VEPH1: variants seen among roughly 807,000 people sequenced by gnomAD.
VEPH1 encodes the protein ventricular zone expressed PH domain containing 1, also known as ventricular zone-expressed PH domain-containing protein homolog 1.
In VEPH1, 80 loss-of-function variants were observed where a neutral mutation model predicts 85.2. The ratio of observed to expected loss-of-function variants is 0.94; its 90% CI spans 0.78 to 1.13. The LOEUF (loss-of-function observed/expected upper bound fraction) is 1.13, where lower values mean the gene tolerates loss of function less well. Among genes scored for constraint, VEPH1 ranks in the 50% most tolerant of loss-of-function variants. The pLI is 0.00. For synonymous variants in VEPH1, 297 were observed against 348.0 expected, an observed-to-expected ratio of 0.85 and a Z score of 1.63; for missense variants, 955 against 980.5, an observed-to-expected ratio of 0.97 and a Z score of 0.35.
intron 3 of VEPH1, among the ~76,000 whole-genome samples, chr3:157,463,924 C>G (rs1736122396): frequency 6.6e-6 from 1 of 152,154 alleles, no homozygotes; most frequent in African/African-American, 2.4e-5. Context: ...AAGAACACTC[C>G]TGCCCTATAA....
intron 4 of VEPH1, among the ~76,000 whole-genome samples, chr3:157,441,218 G>A (rs151293623): frequency 6.6e-6 from 1 of 152,250 alleles, no homozygotes; most frequent in East Asian, 1.9e-4. Context: ...TAAGGGCGTG[G>A]CCTCTGTGAC....
rs1726299491 is a variant in VEPH1 at position 157,363,609 on chromosome 3, T to A, written c.1490A>T (p.Asp497Val). Reference sequence around the variant, plus strand: ...CTCCCCCAGCTGTGATCTCTCAGTGTCTGTCTTAAACGGCAGCTTGTCATT... The same window carrying A: ...CTCCCCCAGCTGTGATCTCTCAGTGACTGTCTTAAACGGCAGCTTGTCATT... Reference protein sequence around the residue: ...QGNDKLPFKTDTERSQLGESS... With the variant: ...QGNDKLPFKTVTERSQLGESS... The change falls in exon 9 of 14, where the codon GAC (aspartate) becomes GTC (valine). Residue 497 changes from aspartate to valine, a missense_variant. Asp to Val is a radical substitution (Grantham distance 152). Transcript: ENST00000362010. 1 of 1,614,182 alleles carries A rather than the reference T, an allele frequency of 6.2e-7. No homozygotes were observed. Among genetic ancestry groups the A allele is most frequent in the Non-Finnish European group, 8.5e-7 (1 of 1,180,012 alleles).
At chr3:157,387,391 T>C (rs767635490) in intron 6 of VEPH1, among the ~76,000 whole-genome samples, 2 of 152,192 alleles carry the variant, frequency 1.3e-5, no homozygotes, top group African/African-American at 2.4e-5. Flanking sequence ...ATCTTCACAA[T>C]GACCTTGCAA....
chr3:157,449,430 T>C (rs905118534), intron 4 of VEPH1, among the ~76,000 whole-genome samples: 2 of 152,228 alleles, frequency 1.3e-5, no homozygotes, highest in Non-Finnish European at 2.9e-5. Context: ...TTGAATAGTC[T>C]GTCCTTCTCT....
chr3:157,470,784 C>T (rs1057128168), intron 2 of VEPH1, among the ~76,000 whole-genome samples: 8 of 152,226 alleles, frequency 5.3e-5, no homozygotes, highest in South Asian at 4.2e-4. Flanking sequence ...AGTACACAGG[C>T]GCTTAACTAT....
At chr3:157,267,102 C>CTTTTTTTTTTTTTTTTTTT (rs10537483) in intron 12 of VEPH1, among the ~76,000 whole-genome samples, 2 of 124,686 alleles carry the variant, frequency 1.6e-5, no homozygotes, top group Non-Finnish European at 3.3e-5. Context: ...TCTTTTTTTT[C>CTTTTTTTTTTTTTTTTTTT]TTTTTTTTTT....
intron 12 of VEPH1, 42 bp downstream of exon 12, chr3:157,286,515 T>TG (rs1716790380): frequency 2.0e-6 from 3 of 1,518,622 alleles, no homozygotes; most frequent in South Asian, 1.1e-5. Flanking sequence ...CCCTGTAATT[T>TG]GGGGCACAAA....
At chr3:157,395,273 C>T (rs778922743) in intron 6 of VEPH1, among the ~76,000 whole-genome samples, 7 of 152,174 alleles carry the variant, frequency 4.6e-5, no homozygotes, top group African/African-American at 7.2e-5. Context: ...AGAACAAATC[C>T]TGTCCCTTCC....
intron 4 of VEPH1, chr3:157,437,111 C>T: frequency 1.3e-6 from 2 of 1,597,998 alleles, no homozygotes; most frequent in South Asian, 1.1e-5. Context: ...TACATATCCA[C>T]CTCTTGGTCT....
chr3:157,281,432 TG>T (rs1172567556), intron 12 of VEPH1, among the ~76,000 whole-genome samples: 2 of 152,216 alleles, frequency 1.3e-5, no homozygotes, highest in East Asian at 3.8e-4. Flanking sequence ...CCGTTGTTTT[TG>T]GTGCTCTACC....
chr3:157,302,841 C>G (rs1476845714), intron 11 of VEPH1, among the ~76,000 whole-genome samples: 1 of 152,220 alleles, frequency 6.6e-6, no homozygotes, highest in African/African-American at 2.4e-5. Flanking sequence ...CCTTTGTTCA[C>G]TGGCTCCACC....
chr3:157,418,293 C>T (rs1006254805), intron 5 of VEPH1, among the ~76,000 whole-genome samples: 3 of 152,138 alleles, frequency 2.0e-5, no homozygotes, highest in African/African-American at 7.2e-5. Flanking sequence ...GAGTTAGTCA[C>T]TTCCTCTTCT....
intron 5 of VEPH1, among the ~76,000 whole-genome samples, chr3:157,420,529 T>A (rs147846493): frequency 1.3e-5 from 2 of 152,322 alleles, no homozygotes; most frequent in East Asian, 3.9e-4. Flanking sequence ...ATTCCTACCA[T>A]ACTGAAAAAT....
At chr3:157,369,201 A>AAAAAAAAAAAAAAAC in intron 7 of VEPH1, among the ~76,000 whole-genome samples, 1 of 147,410 alleles carries the variant, frequency 6.8e-6, no homozygotes, top group Admixed American at 6.8e-5. Flanking sequence ...AAAAAAAAAA[A>AAAAAAAAAAAAAAAC]AAACCTCCTG....
chr3:157,363,571 A>G lies in VEPH1; in HGVS notation c.1528T>C (p.Tyr510His), dbSNP rs147639743. 62 of 1,614,144 alleles carry G rather than the reference A, an allele frequency of 3.8e-5. 1 individual carries two copies. The African/African-American group carries it at 4.5e-4, about 12-fold the overall frequency. Reference sequence around the variant, plus strand: ...GAGTCTATATGTATAATATTTGGGTATGAAACTGAAGACTCCCCCAGCTGT... The same window carrying G: ...GAGTCTATATGTATAATATTTGGGTGTGAAACTGAAGACTCCCCCAGCTGT... Reference protein sequence around the residue: ...RSQLGESSVSYPNIIHIDSEN... With the variant: ...RSQLGESSVSHPNIIHIDSEN... Residue 510 changes from tyrosine (Y) to histidine (H), a missense_variant, in exon 9 of 14, where the codon TAC becomes CAC. Transcript: ENST00000362010.
At chr3:157,266,050 A>G (rs1559908301) in intron 12 of VEPH1, among the ~76,000 whole-genome samples, 1 of 148,286 alleles carries the variant, frequency 6.7e-6, no homozygotes, top group Non-Finnish European at 1.5e-5. Context: ...AGTATCTAGT[A>G]TGCCATAAGC....
intron 2 of VEPH1, among the ~76,000 whole-genome samples, chr3:157,486,686 A>G (rs1738682632): frequency 6.6e-6 from 1 of 152,170 alleles, no homozygotes. Context: ...TTAAATAAAT[A>G]TATTAATGTG....
chr3:157,445,897 G>A (rs910754743), intron 4 of VEPH1, among the ~76,000 whole-genome samples: 6 of 152,024 alleles, frequency 3.9e-5, no homozygotes, highest in African/African-American at 1.4e-4. Context: ...AAATTCTCAG[G>A]AAGTTGGATA....
intron 6 of VEPH1, among the ~76,000 whole-genome samples, chr3:157,383,160 T>C (rs1269807725): frequency 6.6e-6 from 1 of 152,206 alleles, no homozygotes; most frequent in South Asian, 2.1e-4. Context: ...TTGCATTTGA[T>C]CATTTGCTTA....
Sources: allele counts gnomAD v4.1 joint callset (sites outside exome capture counted in the v4.1 genomes callset), GRCh38; gene constraint gnomAD v4.1.1; transcripts MANE v1.5; gene names NCBI Gene and HGNC (gene_info 2026-07-23, HGNC 2026-07-21).